HCN1: variants seen among roughly 807,000 people sequenced by gnomAD.
The protein encoded by HCN1 is potassium/sodium hyperpolarization-activated cyclic nucleotide-gated channel 1.
Under a neutral mutation model 78.9 loss-of-function variants are expected in HCN1, and 13 were observed. The observed-to-expected ratio is 0.16, with a 90% CI of 0.11 to 0.26. HCN1 has a LOEUF of 0.26. Ranked by LOEUF, HCN1 falls within the 10% of genes least tolerant of loss-of-function variation. The probability of loss-of-function intolerance (pLI) is 1.00; values close to 1 mark genes in which losing one functional copy is unlikely to be tolerated. For missense variants in HCN1, 810 were observed against 1,154.3 expected (o/e 0.70, Z 4.32); for synonymous variants, 552 against 455.5 (o/e 1.21, Z -2.70).
intron 3 of HCN1, among the ~76,000 whole-genome samples, chr5:45,424,177 C>T (rs1188253982): frequency 6.6e-6 from 1 of 150,858 alleles, no homozygotes; most frequent in East Asian, 1.9e-4. Context: ...CCTGTAGTCC[C>T]AGCTACTCAG....
intron 2 of HCN1, among the ~76,000 whole-genome samples, chr5:45,514,363 C>T (rs1393165868): frequency 1.3e-5 from 2 of 152,038 alleles, no homozygotes; most frequent in East Asian, 1.9e-4. Context: ...CCTCCAAAGC[C>T]GTCTCTTCCA....
intron 3 of HCN1, among the ~76,000 whole-genome samples, chr5:45,434,944 A>T (rs1369327034): frequency 1.1e-4 from 16 of 152,122 alleles, no homozygotes; most frequent in Admixed American, 9.8e-4. Context: ...TTGTAGTCAT[A>T]GATCATCTTT....
At chr5:45,625,094 T>A (rs1365201229) in intron 2 of HCN1, among the ~76,000 whole-genome samples, 1 of 152,092 alleles carries the variant, frequency 6.6e-6, no homozygotes, top group Non-Finnish European at 1.5e-5. Context: ...CTCATGCCTG[T>A]AACCCCAGCT....
intron 3 of HCN1, among the ~76,000 whole-genome samples, chr5:45,414,818 G>T (rs748475330): frequency 6.6e-6 from 1 of 151,960 alleles, no homozygotes; most frequent in Non-Finnish European, 1.5e-5. Flanking sequence ...GGTATCACTT[G>T]ATTTGAGACT....
At chr5:45,346,743 C>A (rs1746724000) in intron 5 of HCN1, among the ~76,000 whole-genome samples, 1 of 152,200 alleles carries the variant, frequency 6.6e-6, no homozygotes, top group Non-Finnish European at 1.5e-5. Context: ...GTCCTACATC[C>A]ATGGAGTCTC....
chr5:45,343,901 G>A (rs191620939), intron 5 of HCN1, among the ~76,000 whole-genome samples: 52 of 152,102 alleles, frequency 3.4e-4, no homozygotes, highest in African/African-American at 1.3e-3. Flanking sequence ...CAGGAACTGT[G>A]TTTTGTTAAC....
chr5:45,293,927 C>A (rs1745432341), intron 6 of HCN1, among the ~76,000 whole-genome samples: 1 of 151,810 alleles, frequency 6.6e-6, no homozygotes, highest in South Asian at 2.1e-4. Context: ...TTCATTTACC[C>A]TCACCTAAGA....
chr5:45,438,723 A>C (rs981725491), intron 3 of HCN1, among the ~76,000 whole-genome samples: 1 of 152,228 alleles, frequency 6.6e-6, no homozygotes, highest in Admixed American at 6.5e-5. Flanking sequence ...CAGTTTCTTT[A>C]TCATAAAATT....
At chr5:45,610,888 A>G (rs1380502622) in intron 2 of HCN1, among the ~76,000 whole-genome samples, 3 of 152,050 alleles carry the variant, frequency 2.0e-5, no homozygotes, top group African/African-American at 7.2e-5. Context: ...TTTTATCTAG[A>G]ACAATCTAAA....
chr5:45,393,716 C>T (rs1414553493), intron 4 of HCN1, among the ~76,000 whole-genome samples: 1 of 152,156 alleles, frequency 6.6e-6, no homozygotes, highest in Non-Finnish European at 1.5e-5. Context: ...ATGCATAATA[C>T]TGACATGTCT....
At chr5:45,281,943 A>G (rs1745178393) in intron 6 of HCN1, among the ~76,000 whole-genome samples, 1 of 152,080 alleles carries the variant, frequency 6.6e-6, no homozygotes, top group African/African-American at 2.4e-5. Flanking sequence ...ATGTTAAAAG[A>G]TTCACATACA....
intron 2 of HCN1, chr5:45,557,884 AACAAT>A (rs750295408): frequency 2.6e-5 from 4 of 151,970 alleles, no homozygotes; most frequent in Non-Finnish European, 4.4e-5. Context: ...CCTGAGACAC[AACAAT>A]ATTGAAATTA....
rs1388207305 is a variant in HCN1 at position 45,548,974 on chromosome 5, C to T, written c.850-86967G>A. Among the ~76,000 whole-genome samples the T allele has an allele frequency of 2.6e-5, 4 of 151,224 alleles. No individual in the cohort carries two copies. In the South Asian group the frequency reaches 8.4e-4, roughly 32 times the overall value. ...GGACCTCTTCAAGGAGAACTACAAA[C>T]CACTGCTCAATGAAATAAAAGAGGA... On this transcript the variant is annotated intron_variant, in intron 2 of 7. Transcript: ENST00000303230.
intron 2 of HCN1, chr5:45,574,838 T>A (rs1423848083): frequency 6.6e-6 from 1 of 152,164 alleles, no homozygotes; most frequent in Non-Finnish European, 1.5e-5. Flanking sequence ...GGATAGAAGA[T>A]CAAATCACCC....
intron 4 of HCN1, among the ~76,000 whole-genome samples, chr5:45,372,112 T>A (rs1393308193): frequency 1.7e-5 from 1 of 58,534 alleles, no homozygotes; most frequent in East Asian, 7.5e-4. Context: ...ATATATAATA[T>A]AATTATATAT....
chr5:45,504,793 C>T (rs1198445142), intron 2 of HCN1, among the ~76,000 whole-genome samples: 1 of 152,090 alleles, frequency 6.6e-6, no homozygotes, highest in Non-Finnish European at 1.5e-5. Flanking sequence ...ATTGTCATTC[C>T]AATTGGTGTG....
At chr5:45,424,042 G>A (rs1017732792) in intron 3 of HCN1, among the ~76,000 whole-genome samples, 30 of 149,584 alleles carry the variant, frequency 2.0e-4, no homozygotes, top group Non-Finnish European at 3.7e-4. Context: ...TTGGGAGGCC[G>A]AGGAGGGCGG....
At chr5:45,404,962 A>G (rs1188498063) in intron 3 of HCN1, among the ~76,000 whole-genome samples, 1 of 152,108 alleles carries the variant, frequency 6.6e-6, no homozygotes, top group Non-Finnish European at 1.5e-5. Flanking sequence ...GTGTTGAAGT[A>G]GGTAAAATCT....
At chr5:45,555,199 G>T (rs1445782801) in intron 2 of HCN1, among the ~76,000 whole-genome samples, 1 of 151,692 alleles carries the variant, frequency 6.6e-6, no homozygotes, top group African/African-American at 2.4e-5. Context: ...TATAGATGCA[G>T]AATACAAAAT....
Sources: gnomAD v4.1 joint callset for allele counts (sites outside exome capture counted in the v4.1 genomes callset) on GRCh38, gnomAD v4.1.1 for gene constraint, MANE v1.5 for transcripts, NCBI Gene and HGNC (gene_info 2026-07-23, HGNC 2026-07-21) for gene names.